Variants in COA1 observed in about 807,000 individuals in gnomAD.
COA1 encodes cytochrome c oxidase assembly factor 1.
COA1 carries 13 observed loss-of-function variants against 16.0 expected under a neutral mutation model. The ratio of observed to expected loss-of-function variants is 0.81; its 90% CI spans 0.53 to 1.29. COA1 has a LOEUF of 1.29. COA1 is among the 50% of genes most tolerant of loss of function. COA1 has a pLI of 0.00. For missense variants in COA1, 179 were observed against 177.0 expected (o/e 1.01, Z -0.06); for synonymous variants, 65 against 65.7 (o/e 0.99, Z 0.05).
At chr7:43,659,081 G>A (rs1584565975) in intron 1 of COA1, 1 of 152,358 alleles carries the variant, frequency 6.6e-6, no homozygotes, top group South Asian at 2.1e-4. Flanking sequence ...TGGAAGCAGG[G>A]AGTCCAATTA....
rs531662207 is a variant in COA1, at chr7:43,681,186, G to A, written c.-38-32534C>T. On this transcript the variant is annotated intron_variant, in intron 1 of 5. Coordinates refer to ENST00000223336, the MANE Select transcript of COA1 (RefSeq NM_018224.4). ...ATACTATAGGATTGACCCATTCATC[G>A]TATATAGGATTGACTCCATTTTCTG... 5.1e-4 allele frequency among the ~76,000 whole-genome samples: 77 copies of A among 152,042 alleles called. 1 individual carries two copies. Among genetic ancestry groups the A allele is most frequent in the African/African-American group, 1.7e-3 (69 of 41,456 alleles).
chr7:43,636,481 G>A (rs1284779110), downstream of COA1, among the ~76,000 whole-genome samples: 1 of 152,170 alleles, frequency 6.6e-6, no homozygotes, highest in Non-Finnish European at 1.5e-5. Context: ...AACTGAAAAC[G>A]CCAGAGAGTC....
chr7:43,726,826 T>C (rs1480032514), intron 1 of COA1, among the ~76,000 whole-genome samples: 1 of 152,214 alleles, frequency 6.6e-6, no homozygotes, highest in East Asian at 1.9e-4. Context: ...TAAAGAACTC[T>C]TGCAACTCAA....
chr7:43,639,780 G>T, intron 5 of COA1, 99 bp from the exon 6 acceptor site: 1 of 849,426 alleles, frequency 1.2e-6, no homozygotes, highest in Non-Finnish European at 1.9e-6. Context: ...TTTGAATAAT[G>T]CCTTAAATTT....
intron 1 of COA1, among the ~76,000 whole-genome samples, chr7:43,701,137 G>A (rs939313058): frequency 2.0e-5 from 3 of 152,058 alleles, no homozygotes; most frequent in African/African-American, 7.2e-5. Flanking sequence ...TGTGGTATAT[G>A]TGCAGATTTT....
At chr7:43,709,434 TTGTGTGTGTGTGTGTGTGTGTG>T (rs59823123) in intron 1 of COA1, among the ~76,000 whole-genome samples, 2 of 144,894 alleles carry the variant, frequency 1.4e-5, no homozygotes, top group African/African-American at 5.1e-5. Flanking sequence ...CTTTGTTTTA[TTGTGTGTGTGTGTGTGTGTGTG>T]TGTGTGTGTG....
chr7:43,709,131 C>A (rs1264478634), intron 1 of COA1, among the ~76,000 whole-genome samples: 1 of 151,740 alleles, frequency 6.6e-6, no homozygotes, highest in East Asian at 1.9e-4. Flanking sequence ...TCACACCATT[C>A]TCCTGCCTCA....
Position 43,680,337 on chromosome 7 carries a change from G to T in COA1, c.-38-31685C>A, listed in dbSNP as rs193274004. Among the ~76,000 whole-genome samples the T allele has an allele frequency of 1.7e-3, 263 of 151,002 alleles. 2 individuals are homozygous for T. The highest frequency in any genetic ancestry group is 6.2e-3 in the African/African-American group (256 of 41,258). The stretch of plus-strand genomic sequence containing the variant: ...GAGGAGAGCATAAGAAATGTAAAGG[G>T]TATAAAAGAGGGCCCAAAACGTCTT... On this transcript the variant is annotated intron_variant, in intron 1 of 5. Transcript: ENST00000223336.
chr7:43,714,254 A>G (rs1285373637), intron 1 of COA1, among the ~76,000 whole-genome samples: 4 of 152,172 alleles, frequency 2.6e-5, no homozygotes, highest in Non-Finnish European at 4.4e-5. Context: ...CTAAAACTTT[A>G]AAAGATTTTC....
intron 1 of COA1, among the ~76,000 whole-genome samples, chr7:43,694,642 T>C (rs1585101405): frequency 6.6e-6 from 1 of 152,232 alleles, no homozygotes; most frequent in East Asian, 1.9e-4. Flanking sequence ...TCCATCTCTG[T>C]TATTGGTAAG....
At chr7:43,717,089 G>A (rs1460906656) in intron 1 of COA1, among the ~76,000 whole-genome samples, 1 of 152,218 alleles carries the variant, frequency 6.6e-6, no homozygotes, top group Non-Finnish European at 1.5e-5. Context: ...ACCTCTGCTA[G>A]GGCAGTGCAG....
Position 43,662,435 on chromosome 7 carries a change from G to A in COA1, c.-38-13783C>T, listed in dbSNP as rs377053943. On this transcript the variant is annotated intron_variant, in intron 1 of 5. Coordinates refer to ENST00000223336, the MANE Select transcript of COA1 (RefSeq NM_018224.4). ...TTTAGTAGAGACGGGGTTTCACTACGTTGGCCAGCTGGTCTTGAACTCCTG... is the reference window on the plus strand; with the variant it reads ...TTTAGTAGAGACGGGGTTTCACTACATTGGCCAGCTGGTCTTGAACTCCTG... Among the ~76,000 whole-genome samples, 13 of 152,142 alleles carry A rather than the reference G, an allele frequency of 8.5e-5. No individual in the cohort carries two copies. In the East Asian group the frequency reaches 1.9e-3, roughly 23 times the overall value.
intron 6 of COA1, among the ~76,000 whole-genome samples, chr7:43,622,075 C>T (rs911083564): frequency 2.0e-5 from 3 of 152,166 alleles, no homozygotes; most frequent in African/African-American, 7.2e-5. Flanking sequence ...ATTTGCTGTA[C>T]AAAGCCCTTA....
At chr7:43,668,815 T>C (rs2093056306) in intron 1 of COA1, among the ~76,000 whole-genome samples, 1 of 152,154 alleles carries the variant, frequency 6.6e-6, no homozygotes, top group African/African-American at 2.4e-5. Context: ...CCCAAATATC[T>C]TGGCAAGTAA....
intron 1 of COA1, among the ~76,000 whole-genome samples, chr7:43,707,764 C>G (rs180680791): frequency 3.3e-4 from 50 of 152,288 alleles, no homozygotes; most frequent in African/African-American, 1.0e-3. Flanking sequence ...ACTTACTATA[C>G]TGTTGATGGA....
intron 6 of COA1, among the ~76,000 whole-genome samples, chr7:43,616,604 G>C (rs1309717379): frequency 1.3e-5 from 2 of 152,150 alleles, no homozygotes; most frequent in African/African-American, 4.8e-5. Context: ...TTTTTAAAAA[G>C]AGGGACCGTC....
At chr7:43,691,283 AAG>A (rs1361995780) in intron 1 of COA1, among the ~76,000 whole-genome samples, 1 of 53,318 alleles carries the variant, frequency 1.9e-5, no homozygotes, top group East Asian at 4.8e-4. Context: ...GAAAGAAAGA[AAG>A]AAAGAAAGAA....
intron 4 of COA1, chr7:43,641,323 A>AAG (rs1334678566): frequency 6.6e-6 from 1 of 151,580 alleles, no homozygotes; most frequent in Non-Finnish European, 1.5e-5. Context: ...CCTCAAAAAA[A>AAG]AAAAAAAAAA....
chr7:43,717,457 T>C (rs2095417649), intron 1 of COA1, among the ~76,000 whole-genome samples: 1 of 152,198 alleles, frequency 6.6e-6, no homozygotes, highest in Non-Finnish European at 1.5e-5. Flanking sequence ...TTTTGGCCAA[T>C]TTCTCCTATT....
Sources: gnomAD v4.1 joint callset for allele counts (sites outside exome capture counted in the v4.1 genomes callset) on GRCh38, gnomAD v4.1.1 for gene constraint, MANE v1.5 for transcripts, NCBI Gene and HGNC (gene_info 2026-07-23, HGNC 2026-07-21) for gene names.